The following FAM120A variants were observed in gnomAD, a reference collection of about 807,000 sequenced individuals.
FAM120A encodes family with sequence similarity 120 member A.
In FAM120A, 15 loss-of-function variants were observed where a neutral mutation model predicts 109.7. That is an observed-to-expected ratio of 0.14 (90% CI 0.09 to 0.21). FAM120A has a LOEUF of 0.21. Ranked by LOEUF, FAM120A falls within the 10% of genes least tolerant of loss-of-function variation. The pLI is 1.00. For synonymous variants in FAM120A, 493 were observed against 572.8 expected (o/e 0.86, Z 1.99); for missense variants, 899 against 1,439.3 (o/e 0.62, Z 6.07).
chr9:93,556,616 C>A, intron 13 of FAM120A, 25 bp downstream of exon 13: 1 of 1,594,000 alleles, frequency 6.3e-7, no homozygotes, highest in Non-Finnish European at 8.6e-7. Context: ...CGGGTGGCTG[C>A]CTTTAACTGC....
intron 1 of FAM120A, among the ~76,000 whole-genome samples, chr9:93,468,164 G>A (rs1018688219): frequency 3.3e-5 from 5 of 152,202 alleles, no homozygotes; most frequent in African/African-American, 9.7e-5. Flanking sequence ...GATTACAGGT[G>A]TGAGCCACTG....
At position 93,498,257 on chromosome 9, in the gene FAM120A, G is replaced by T. The variant is rs891385839; in HGVS notation, c.934-533G>T. 5.3e-5 allele frequency among the ~76,000 whole-genome samples: 8 copies of T among 152,354 alleles called. No homozygotes were observed. Among genetic ancestry groups the T allele is most frequent in the African/African-American group, 1.9e-4 (8 of 41,580 alleles). On this transcript the variant is annotated intron_variant, in intron 4 of 17. Coordinates refer to ENST00000277165, the MANE Select transcript of FAM120A (RefSeq NM_014612.5). This position sits in a 1 kb window ranked among gnomAD's most constrained non-coding sequence, Gnocchi z 4.4. ...AAAATACAAAAATTAGCCAGGCGTG[G>T]TGGTGGGCGCCTGTAATGCCAGCTA... is the stretch of plus-strand genomic sequence containing the variant.
chr9:93,552,523 A>C (rs977508841), intron 12 of FAM120A, among the ~76,000 whole-genome samples: 4 of 152,168 alleles, frequency 2.6e-5, no homozygotes, highest in African/African-American at 9.7e-5. Context: ...ATTCTGAGAA[A>C]GCTATAAGGA....
At chr9:93,455,230 A>G (rs916534831) in intron 1 of FAM120A, among the ~76,000 whole-genome samples, 11 of 152,226 alleles carry the variant, frequency 7.2e-5, no homozygotes, top group African/African-American at 2.7e-4. Context: ...GTAGGTAACA[A>G]CTTGCATGAA....
At chr9:93,530,466 A>T (rs994413911) in intron 9 of FAM120A, 1 of 152,366 alleles carries the variant, frequency 6.6e-6, no homozygotes, top group African/African-American at 2.4e-5. Context: ...AATAAATGCA[A>T]TAATGAACTC....
chr9:93,527,252 C>G lies in FAM120A; in HGVS notation c.1506+10C>G, dbSNP rs1861125371. On this transcript the variant is annotated intron_variant, in intron 8 of 17. Transcript: ENST00000277165. Reference sequence around the variant, plus strand: ...AGGAGACCAAACAAAGGTAGAAAGTCTATGCCTTTTAGTTTTTGAGTTCTG... The same window carrying G: ...AGGAGACCAAACAAAGGTAGAAAGTGTATGCCTTTTAGTTTTTGAGTTCTG... 2 of 1,609,868 alleles carry G rather than the reference C, an allele frequency of 1.2e-6. No homozygotes were observed. The highest frequency in any genetic ancestry group is 1.1e-5 in the South Asian group (1 of 91,004).
chr9:93,545,830 C>G (rs1389133687), intron 11 of FAM120A, among the ~76,000 whole-genome samples: 1 of 88,066 alleles, frequency 1.1e-5, no homozygotes, highest in Non-Finnish European at 2.1e-5. Flanking sequence ...TTGCTCTTGT[C>G]GCTGGAGTGC....
intron 3 of FAM120A, among the ~76,000 whole-genome samples, chr9:93,491,317 C>G (rs886365145): frequency 1.3e-5 from 2 of 152,184 alleles, no homozygotes; most frequent in African/African-American, 2.4e-5. Context: ...GGCACCACCG[C>G]TCATGGATTG....
rs143553358 is a variant in FAM120A, at chr9:93,557,898, C to T, written c.2556C>T (p.Ser852=). ...VLEGLSFSRQ[S]HTLPFPPPPA... The stretch of plus-strand genomic sequence containing the variant: ...AGGGGCTCAGCTTCTCCAGGCAGAG[C>T]CACACGCTCCCTTTCCCGCCGCCAC... Residue 852 remains serine, a synonymous_variant, in exon 14 of 18, where the codon AGC becomes AGT. Coordinates refer to ENST00000277165, the MANE Select transcript of FAM120A (RefSeq NM_014612.5). 699 of 1,612,810 alleles carry T rather than the reference C, an allele frequency of 4.3e-4. 3 individuals are homozygous for T. The African/African-American group carries it at 8.4e-3, about 19-fold the overall frequency.
chr9:93,455,376 G>A (rs1857506363), intron 1 of FAM120A, among the ~76,000 whole-genome samples: 1 of 152,224 alleles, frequency 6.6e-6, no homozygotes, highest in African/African-American at 2.4e-5. Context: ...GGGGACAGCA[G>A]GAGAGATCTT....
intron 3 of FAM120A, among the ~76,000 whole-genome samples, chr9:93,495,185 C>CT (rs1173246224): frequency 2.6e-5 from 4 of 152,192 alleles, no homozygotes; most frequent in African/African-American, 9.7e-5. Context: ...CAACTGACCA[C>CT]TTAGAACCCT....
At chr9:93,494,827 G>A (rs1859499851) in intron 3 of FAM120A, among the ~76,000 whole-genome samples, 1 of 152,140 alleles carries the variant, frequency 6.6e-6, no homozygotes, top group Non-Finnish European at 1.5e-5. Flanking sequence ...TGGAGTGATC[G>A]AGGACTGGCC....
intron 5 of FAM120A, among the ~76,000 whole-genome samples, chr9:93,511,157 C>T (rs574513178): frequency 6.6e-6 from 1 of 152,220 alleles, no homozygotes; most frequent in African/African-American, 2.4e-5. Flanking sequence ...CTTTCACGTG[C>T]CACGCAGGAT....
At chr9:93,524,448 T>C (rs956905183) in intron 7 of FAM120A, among the ~76,000 whole-genome samples, 2 of 152,222 alleles carry the variant, frequency 1.3e-5, no homozygotes, top group Non-Finnish European at 2.9e-5. Flanking sequence ...TTGCTATCTT[T>C]CCAGGCTTTC....
intron 9 of FAM120A, chr9:93,530,073 C>A: frequency 5.5e-6 from 1 of 183,310 alleles, no homozygotes; most frequent in South Asian, 1.2e-4. Flanking sequence ...GTGCTAAGAA[C>A]AAAAAATATA....
At chr9:93,467,028 T>C (rs1858054381) in intron 1 of FAM120A, among the ~76,000 whole-genome samples, 1 of 152,126 alleles carries the variant, frequency 6.6e-6, no homozygotes, top group Non-Finnish European at 1.5e-5. Flanking sequence ...TATAATACAA[T>C]TTTATAGATT....
At position 93,550,162 on chromosome 9, in the gene FAM120A, C is replaced by T. The variant is rs75888106; in HGVS notation, c.2160-415C>T. ...CAGAGTGGCCAGGCAATGGTCTTTGCTTTTCATCTCGGGATTTGTCTTTCT... is the reference window on the plus strand; with the variant it reads ...CAGAGTGGCCAGGCAATGGTCTTTGTTTTTCATCTCGGGATTTGTCTTTCT... On this transcript the variant is annotated intron_variant, in intron 11 of 17. Transcript: ENST00000277165. Among the ~76,000 whole-genome samples the T allele has an allele frequency of 2.7e-3, 410 of 152,320 alleles. 3 individuals are homozygous for T. Among genetic ancestry groups the T allele is most frequent in the African/African-American group, 9.1e-3 (378 of 41,562 alleles).
Position 93,559,078 on chromosome 9 carries a change from T to C in FAM120A, c.2806+360T>C, listed in dbSNP as rs978113139. Among the ~76,000 whole-genome samples, 5 of 152,236 alleles carry C rather than the reference T, an allele frequency of 3.3e-5. 1 individual carries two copies. The highest frequency in any genetic ancestry group is 1.2e-4 in the African/African-American group (5 of 41,452). On this transcript the variant is annotated intron_variant, in intron 15 of 17. Transcript: ENST00000277165. Reference sequence around the variant, plus strand: ...CATCTTTTGGTAAAGATTATCATGCTTGTATAGAAAATGCTAATGGTCACA... The same window carrying C: ...CATCTTTTGGTAAAGATTATCATGCCTGTATAGAAAATGCTAATGGTCACA...
chr9:93,536,138 A>G lies in FAM120A; in HGVS notation c.1909+3809A>G, dbSNP rs1192229201. On this transcript the variant is annotated intron_variant, in intron 10 of 17. Transcript: ENST00000277165. ...AGTTCTTGATTGAGAAGATGGAACA[A>G]TGATTGTATTTAGATCTTGTTGAAA... Among the ~76,000 whole-genome samples, 3 of 152,346 alleles carry G rather than the reference A, an allele frequency of 2.0e-5. No individual in the cohort carries two copies. In the East Asian group the frequency reaches 5.8e-4, roughly 29 times the overall value.
Sources: allele counts gnomAD v4.1 joint callset (sites outside exome capture counted in the v4.1 genomes callset), GRCh38; gene constraint gnomAD v4.1.1; non-coding constraint Gnocchi (gnomAD v3.1); transcripts MANE v1.5; gene names NCBI Gene and HGNC (gene_info 2026-07-23, HGNC 2026-07-21).